Variants in ARHGEF7 observed in about 807,000 individuals in gnomAD.
ARHGEF7 encodes Rho guanine nucleotide exchange factor 7, also known as PAK-interacting exchange factor beta.
ARHGEF7 carries 33 observed loss-of-function variants against 109.8 expected under a neutral mutation model. The ratio of observed to expected loss-of-function variants is 0.30; its 90% CI spans 0.23 to 0.40. The LOEUF (loss-of-function observed/expected upper bound fraction) is 0.40. ARHGEF7 is among the 10% of genes least tolerant of loss of function. The pLI is 1.00. For missense variants in ARHGEF7, 938 were observed against 1,098.5 expected (o/e 0.85, Z 2.07); for synonymous variants, 458 against 424.6 (o/e 1.08, Z -0.97).
chr13:111,127,596 G>A (rs1376931830), intron 1 of ARHGEF7, among the ~76,000 whole-genome samples: 1 of 145,660 alleles, frequency 6.9e-6, no homozygotes, highest in Non-Finnish European at 1.5e-5. Context: ...GCAGCGAGCC[G>A]TGATCACACC....
chr13:111,135,773 T>C (rs527365664), intron 1 of ARHGEF7, among the ~76,000 whole-genome samples: 1 of 152,346 alleles, frequency 6.6e-6, no homozygotes, highest in East Asian at 1.9e-4. Flanking sequence ...TTTTCCTAAT[T>C]GAATACCCTT....
At chr13:111,197,716 G>T (rs1299066917) in intron 2 of ARHGEF7, among the ~76,000 whole-genome samples, 1 of 152,168 alleles carries the variant, frequency 6.6e-6, no homozygotes, top group Non-Finnish European at 1.5e-5. Flanking sequence ...CTGAGTAGGG[G>T]TGCTAAAATT....
intron 2 of ARHGEF7, among the ~76,000 whole-genome samples, chr13:111,180,066 C>T (rs1288623502): frequency 6.6e-6 from 1 of 152,200 alleles, no homozygotes; most frequent in Non-Finnish European, 1.5e-5. Context: ...TGAATTACTT[C>T]CTGTTATGGT....
At chr13:111,291,886 A>C (rs2093298112) in intron 18 of ARHGEF7, among the ~76,000 whole-genome samples, 1 of 152,242 alleles carries the variant, frequency 6.6e-6, no homozygotes, top group South Asian at 2.1e-4. Flanking sequence ...AGGTTTAATT[A>C]GATAATAATC....
Position 111,273,440 on chromosome 13 carries a change from A to G in ARHGEF7, c.1074-374A>G, listed in dbSNP as rs965807826. On this transcript the variant is annotated intron_variant, in intron 9 of 21. Coordinates refer to ENST00000646102, the MANE Select transcript of ARHGEF7 (RefSeq NM_001354046.2). The surrounding 1 kb of genome is among the most constrained non-coding windows in gnomAD (Gnocchi z 4.5). ...ACCGGAGCAGCTCGGTCCTTGTTCT[A>G]CCACCTTGAGACTCTGAGATTATTG... Among the ~76,000 whole-genome samples the G allele has an allele frequency of 1.3e-5, 2 of 152,136 alleles. No individual in the cohort carries two copies. The highest frequency in any genetic ancestry group is 2.4e-5 in the African/African-American group (1 of 41,422).
At chr13:111,178,058 A>G (rs1001019717) in intron 2 of ARHGEF7, among the ~76,000 whole-genome samples, 1 of 152,220 alleles carries the variant, frequency 6.6e-6, no homozygotes, top group African/African-American at 2.4e-5. Context: ...CCTGTTTCTC[A>G]GCTTGACTGA....
chr13:111,276,668 CTG>C (rs2092503237), intron 12 of ARHGEF7, among the ~76,000 whole-genome samples: 3 of 152,168 alleles, frequency 2.0e-5, no homozygotes, highest in Non-Finnish European at 4.4e-5. Flanking sequence ...AGAGACTTGG[CTG>C]TGAATGTTCC....
At chr13:111,188,432 G>C (rs917069851) in intron 2 of ARHGEF7, among the ~76,000 whole-genome samples, 1 of 152,202 alleles carries the variant, frequency 6.6e-6, no homozygotes, top group African/African-American at 2.4e-5. Context: ...TGGAGGTGAA[G>C]GGTGGAGCCA....
intron 8 of ARHGEF7, among the ~76,000 whole-genome samples, chr13:111,264,062 G>C (rs187506580): frequency 6.6e-6 from 1 of 152,152 alleles, no homozygotes; most frequent in African/African-American, 2.4e-5. Context: ...TGGAAACCCC[G>C]CTTAGCTGTT....
rs148739576 is a variant in ARHGEF7 at position 111,273,359 on chromosome 13, C to T, written c.1074-455C>T. Reference sequence around the variant, plus strand: ...GCTGGCAGCACATAGGTGGGGCCTGCTCGCTGGACGAACTCGCATCTGGGG... The same window carrying T: ...GCTGGCAGCACATAGGTGGGGCCTGTTCGCTGGACGAACTCGCATCTGGGG... On this transcript the variant is annotated intron_variant, in intron 9 of 21. Transcript: ENST00000646102. The surrounding 1 kb of genome is among the most constrained non-coding windows in gnomAD (Gnocchi z 4.5). Among the ~76,000 whole-genome samples the T allele has an allele frequency of 9.4e-4, 143 of 152,384 alleles. No homozygotes were observed. The highest frequency in any genetic ancestry group is 3.3e-3 in the African/African-American group (137 of 41,602).
At chr13:111,248,971 G>A (rs965970109) in intron 8 of ARHGEF7, among the ~76,000 whole-genome samples, 1 of 152,142 alleles carries the variant, frequency 6.6e-6, no homozygotes, top group Non-Finnish European at 1.5e-5. Flanking sequence ...ACTTGGTCAG[G>A]CTCAAATTGC....
At chr13:111,138,042 G>A (rs537539157) in intron 1 of ARHGEF7, among the ~76,000 whole-genome samples, 4 of 152,294 alleles carry the variant, frequency 2.6e-5, no homozygotes, top group South Asian at 2.1e-4. Flanking sequence ...GGCCAGGCAC[G>A]GTGGCTCACG....
chr13:111,115,721 C>T (rs1168576233), intron 1 of ARHGEF7, 30 bp downstream of exon 1: 9 of 1,121,432 alleles, frequency 8.0e-6, no homozygotes, highest in Middle Eastern at 3.0e-4. Context: ...CCCGCCCGCG[C>T]CCCCCGGTCC....
chr13:111,196,361 C>A (rs555522606), intron 2 of ARHGEF7, among the ~76,000 whole-genome samples: 1 of 152,160 alleles, frequency 6.6e-6, no homozygotes, highest in Non-Finnish European at 1.5e-5. Flanking sequence ...ACTAAGATAC[C>A]AGGTATCACC....
chr13:111,251,050 C>G (rs142725452), intron 8 of ARHGEF7, among the ~76,000 whole-genome samples: 1 of 152,352 alleles, frequency 6.6e-6, no homozygotes, highest in African/African-American at 2.4e-5. Context: ...CCCTTGTCCT[C>G]CCTTTAGGTT....
chr13:111,135,491 A>T (rs572863771), intron 1 of ARHGEF7, among the ~76,000 whole-genome samples: 7 of 152,308 alleles, frequency 4.6e-5, no homozygotes, highest in Admixed American at 6.5e-5. Flanking sequence ...AGTGGTTTGT[A>T]GTTCTCCTTG....
intron 6 of ARHGEF7, among the ~76,000 whole-genome samples, chr13:111,240,339 A>C (rs972435173): frequency 1.3e-5 from 2 of 152,276 alleles, no homozygotes; most frequent in Non-Finnish European, 2.9e-5. Context: ...CAAAAGATAC[A>C]GCATCATAAA....
intron 17 of ARHGEF7, among the ~76,000 whole-genome samples, chr13:111,287,476 G>A (rs2093070010): frequency 6.6e-6 from 1 of 152,258 alleles, no homozygotes; most frequent in African/African-American, 2.4e-5. Context: ...AGGATACAGT[G>A]TGGCCGAAAG....
chr13:111,304,152 C>T lies in ARHGEF7; in HGVS notation c.*1039C>T, dbSNP rs117254301. ...CAGTGCTCACCGAAAGTAAAATCCC[C>T]TCCTTCAGCAAGAATAAAGCAATAT... On this transcript the variant is annotated 3_prime_UTR_variant, in exon 22 of 22. Coordinates refer to ENST00000646102, the MANE Select transcript of ARHGEF7 (RefSeq NM_001354046.2). 3.9e-5 allele frequency: 6 copies of T among 152,366 alleles called. No individual in the cohort carries two copies. The East Asian group carries it at 1.2e-3, about 29-fold the overall frequency. The allele number at this position is 152,366 out of a possible 1,614,324, so 9.4% of individuals were successfully genotyped here.
Sources: allele counts gnomAD v4.1 joint callset (sites outside exome capture counted in the v4.1 genomes callset), GRCh38; gene constraint gnomAD v4.1.1; non-coding constraint Gnocchi (gnomAD v3.1); transcripts MANE v1.5; gene names NCBI Gene and HGNC (gene_info 2026-07-23, HGNC 2026-07-21).